Variants in AGMO observed in about 807,000 individuals in gnomAD.
The protein encoded by AGMO is glyceryl-ether monooxygenase.
In AGMO, 75 loss-of-function variants were observed where a neutral mutation model predicts 60.2. The ratio of observed to expected loss-of-function variants is 1.25; its 90% CI spans 1.03 to 1.51. AGMO has a LOEUF of 1.51. AGMO is among the 40% of genes most tolerant of loss of function. The pLI, the probability that AGMO is intolerant of heterozygous loss-of-function variation, is 0.00. For synonymous variants in AGMO, 261 were observed against 177.1 expected (o/e 1.47, Z -3.76); for missense variants, 763 against 525.5 (o/e 1.45, Z -4.42).
At chr7:15,384,229 G>A (rs186271959) in intron 10 of AGMO, among the ~76,000 whole-genome samples, 74 of 152,156 alleles carry the variant, frequency 4.9e-4, no homozygotes, top group East Asian at 2.1e-3. Context: ...GAGCCACCAC[G>A]CCCAGCCTCA....
intron 3 of AGMO, among the ~76,000 whole-genome samples, chr7:15,531,513 CTATATATATTCTATATATATTCTCTA>C (rs1182095193): frequency 0.04 from 1,752 of 43,394 alleles, 472 homozygotes; most frequent in Non-Finnish European, 0.047. Flanking sequence ...TATATATTCT[CTATATATATTCTATATATATTCTCTA>C]TATATATTCT....
In AGMO at chr7:15,561,713, G is replaced by T; in HGVS notation, c.126+7C>A. ...AATAAGAGTAGCCTCTTCCAATAAAGTCTCACCTTTTTTACATAATCAGGC... is the reference window on the plus strand; with the variant it reads ...AATAAGAGTAGCCTCTTCCAATAAATTCTCACCTTTTTTACATAATCAGGC... On this transcript the variant is annotated splice_region_variant and intron_variant, in intron 1 of 12. Coordinates refer to ENST00000342526, the MANE Select transcript of AGMO (RefSeq NM_001004320.2). 6.2e-7 allele frequency: 1 copy of T among 1,601,260 alleles called. No individual in the cohort carries two copies. The highest frequency in any genetic ancestry group is 8.5e-7 in the Non-Finnish European group (1 of 1,172,630).
chr7:15,240,426 A>C (rs1782555846), intron 12 of AGMO, among the ~76,000 whole-genome samples: 1 of 152,190 alleles, frequency 6.6e-6, no homozygotes, highest in Non-Finnish European at 1.5e-5. Context: ...CCTACAGAGG[A>C]CACATTTTTC....
At chr7:15,336,249 A>G (rs1781656810) in intron 12 of AGMO, among the ~76,000 whole-genome samples, 1 of 152,078 alleles carries the variant, frequency 6.6e-6, no homozygotes, top group Non-Finnish European at 1.5e-5. Context: ...ATTCACCAAA[A>G]AAAAAATTAT....
chr7:15,243,545 G>A (rs1251308460), intron 12 of AGMO, among the ~76,000 whole-genome samples: 3 of 152,140 alleles, frequency 2.0e-5, no homozygotes. Flanking sequence ...ACTAAGCTGA[G>A]ATGAGTTTGC....
intron 3 of AGMO, among the ~76,000 whole-genome samples, chr7:15,448,521 A>T (rs541965038): frequency 6.6e-6 from 1 of 152,322 alleles, no homozygotes; most frequent in African/African-American, 2.4e-5. Flanking sequence ...GGACTAAGAT[A>T]TGAATGTTAG....
intron 3 of AGMO, among the ~76,000 whole-genome samples, chr7:15,460,341 A>G (rs541568611): frequency 6.6e-6 from 1 of 152,024 alleles, no homozygotes; most frequent in South Asian, 2.1e-4. Context: ...CACCCACCTC[A>G]CATTTATTTT....
At chr7:15,321,318 G>T (rs545544534) in intron 12 of AGMO, among the ~76,000 whole-genome samples, 1 of 152,222 alleles carries the variant, frequency 6.6e-6, no homozygotes, top group South Asian at 2.1e-4. Context: ...CATTATGCAT[G>T]CACCTTTCTA....
At chr7:15,477,492 G>A (rs557781169) in intron 3 of AGMO, among the ~76,000 whole-genome samples, 1 of 152,052 alleles carries the variant, frequency 6.6e-6, no homozygotes, top group Non-Finnish European at 1.5e-5. Context: ...AAGGAAATGC[G>A]AACAGATTGG....
At chr7:15,248,192 A>ATATATATATATATC (rs1782812711) in intron 12 of AGMO, among the ~76,000 whole-genome samples, 1 of 63,032 alleles carries the variant, frequency 1.6e-5, no homozygotes, top group African/African-American at 8.1e-5. Flanking sequence ...ATATATATAT[A>ATATATATATATATC]TATATATATA....
At chr7:15,409,366 T>C (rs1479376805) in intron 5 of AGMO, among the ~76,000 whole-genome samples, 2 of 151,910 alleles carry the variant, frequency 1.3e-5, no homozygotes, top group Non-Finnish European at 2.9e-5. Flanking sequence ...GAAACCCAGA[T>C]AAATGTATTG....
intron 2 of AGMO, among the ~76,000 whole-genome samples, chr7:15,555,580 C>A (rs1050426740): frequency 2.0e-5 from 3 of 151,882 alleles, no homozygotes; most frequent in African/African-American, 7.3e-5. Flanking sequence ...GTATCACATT[C>A]ATAAAACAAT....
chr7:15,549,099 T>A (rs1268100080), intron 2 of AGMO, among the ~76,000 whole-genome samples: 1 of 149,614 alleles, frequency 6.7e-6, no homozygotes, highest in African/African-American at 2.5e-5. Context: ...TAAAATACTT[T>A]ACAGACAAGC....
chr7:15,433,398 T>A (rs1291824034), intron 3 of AGMO, among the ~76,000 whole-genome samples: 3 of 151,806 alleles, frequency 2.0e-5, no homozygotes, highest in East Asian at 3.9e-4. Flanking sequence ...AGTAACAGCA[T>A]CCTACTGCCT....
intron 4 of AGMO, among the ~76,000 whole-genome samples, chr7:15,422,511 A>T (rs1430142447): frequency 6.6e-6 from 1 of 152,158 alleles, no homozygotes; most frequent in Non-Finnish European, 1.5e-5. Context: ...ATGAGTTTTA[A>T]TTGAAAATGT....
At chr7:15,184,490 A>G in the AGMO span, among the ~76,000 whole-genome samples, 4 of 133,304 alleles carry the variant, frequency 3.0e-5, no homozygotes, top group South Asian at 5.2e-4. Context: ...GGAGGGAGGG[A>G]AGGAAGGAAG....
intron 12 of AGMO, among the ~76,000 whole-genome samples, chr7:15,336,079 G>C (rs1420854785): frequency 6.6e-6 from 1 of 152,088 alleles, no homozygotes; most frequent in Non-Finnish European, 1.5e-5. Context: ...GCTATGTGAG[G>C]CTAATTCAAC....
intron 12 of AGMO, among the ~76,000 whole-genome samples, chr7:15,239,170 G>C (rs759671428): frequency 2.0e-5 from 3 of 152,130 alleles, no homozygotes; most frequent in Non-Finnish European, 2.9e-5. Context: ...AAAAGGCTGA[G>C]ATTGTTGCTT....
intron 12 of AGMO, among the ~76,000 whole-genome samples, chr7:15,361,417 G>C (rs1180186746): frequency 6.6e-6 from 1 of 151,602 alleles, no homozygotes; most frequent in Non-Finnish European, 1.5e-5. Context: ...GCGGGCACCT[G>C]TAGTCCCAGC....
Sources: gnomAD v4.1 joint callset for allele counts (sites outside exome capture counted in the v4.1 genomes callset) on GRCh38, gnomAD v4.1.1 for gene constraint, MANE v1.5 for transcripts, NCBI Gene and HGNC (gene_info 2026-07-23, HGNC 2026-07-21) for gene names.